The following RNGTT variants were observed in gnomAD, a reference collection of about 807,000 sequenced individuals.
RNGTT encodes the protein RNA guanylyltransferase and 5'-phosphatase.
In RNGTT, 33 loss-of-function variants were observed where a neutral mutation model predicts 79.3. The observed-to-expected ratio is 0.42, with a 90% CI of 0.32 to 0.56. The LOEUF is 0.56. Among genes scored for constraint, RNGTT ranks in the 20% least tolerant of loss-of-function variants. The pLI is 0.17. For synonymous variants in RNGTT, 222 were observed against 235.9 expected (o/e 0.94, Z 0.54); for missense variants, 497 against 739.1 (o/e 0.67, Z 3.80).
At position 88,740,200 on chromosome 6, in the gene RNGTT, ACAG is replaced by A. The variant is rs373488916; in HGVS notation, c.1439+29571_1439+29573del. 8.1e-4 allele frequency among the ~76,000 whole-genome samples: 124 copies of A among 152,248 alleles called. 1 individual carries two copies. The highest frequency in any genetic ancestry group is 2.8e-3 in the African/African-American group (118 of 41,558). ...GAGTTTACACCTGCTCAGAAAGGGA[ACAG>A]CAGAATTAAAAGCGATCAAAAAATG... is the stretch of plus-strand genomic sequence containing the variant. On this transcript the variant is annotated intron_variant, in intron 13 of 15. Coordinates refer to ENST00000369485, the MANE Select transcript of RNGTT (RefSeq NM_003800.5).
At chr6:88,685,385 G>A (rs1198062413) in intron 13 of RNGTT, among the ~76,000 whole-genome samples, 2 of 152,010 alleles carry the variant, frequency 1.3e-5, no homozygotes, top group Non-Finnish European at 1.5e-5. Flanking sequence ...GAAAGAGAAA[G>A]GGTATCTAGG....
chr6:88,960,905 T>C (rs1357886685), intron 1 of RNGTT, among the ~76,000 whole-genome samples: 1 of 152,222 alleles, frequency 6.6e-6, no homozygotes, highest in Non-Finnish European at 1.5e-5. Flanking sequence ...TTTTCCTCAA[T>C]ATGCAAAATA....
chr6:88,891,199 T>G (rs1414367990), intron 7 of RNGTT, among the ~76,000 whole-genome samples: 1 of 152,184 alleles, frequency 6.6e-6, no homozygotes, highest in Non-Finnish European at 1.5e-5. Flanking sequence ...CTAGTATTTA[T>G]GTAACAGTAA....
At chr6:88,933,247 A>C (rs1330919117) in intron 2 of RNGTT, among the ~76,000 whole-genome samples, 2 of 152,218 alleles carry the variant, frequency 1.3e-5, no homozygotes, top group Non-Finnish European at 2.9e-5. Context: ...AATATTTATC[A>C]TTTCTATGTG....
At chr6:88,817,749 ATTTTTTTT>A (rs71554802) in intron 11 of RNGTT, among the ~76,000 whole-genome samples, 4 of 71,558 alleles carry the variant, frequency 5.6e-5, no homozygotes, top group Non-Finnish European at 1.1e-4. Flanking sequence ...TATTCACATC[ATTTTTTTT>A]TTTTTTTTTT....
chr6:88,625,178 A>C (rs1380904369), intron 14 of RNGTT, among the ~76,000 whole-genome samples: 1 of 151,998 alleles, frequency 6.6e-6, no homozygotes, highest in Non-Finnish European at 1.5e-5. Flanking sequence ...CAGTTTCTTT[A>C]TAAAGTCAAA....
intron 13 of RNGTT, among the ~76,000 whole-genome samples, chr6:88,764,804 A>C (rs143236506): frequency 9.9e-5 from 15 of 152,274 alleles, no homozygotes; most frequent in Non-Finnish European, 1.9e-4. Flanking sequence ...AGTTGTACCA[A>C]CTTCTGTTCC....
intron 4 of RNGTT, among the ~76,000 whole-genome samples, chr6:88,912,357 T>C (rs1370927166): frequency 6.6e-6 from 1 of 152,094 alleles, no homozygotes; most frequent in East Asian, 1.9e-4. Context: ...TGCTGTGAGC[T>C]ATGATCGTGC....
At chr6:88,736,212 G>A (rs1777279742) in intron 13 of RNGTT, among the ~76,000 whole-genome samples, 1 of 152,076 alleles carries the variant, frequency 6.6e-6, no homozygotes, top group Admixed American at 6.6e-5. Context: ...AAAGCACTAG[G>A]CCCAGATATT....
In RNGTT at chr6:88,789,356, T is replaced by C. The variant is rs138729111; in HGVS notation, c.1338+12208A>G. 5.2e-4 allele frequency among the ~76,000 whole-genome samples: 79 copies of C among 152,270 alleles called. 1 individual carries two copies. The highest frequency in any genetic ancestry group is 1.8e-3 in the Admixed American group (27 of 15,302). ...GCCAGTGGATAACGAGGTCAGGAGA[T>C]GGAGACTATCCTGGCCAACATGGTG... On this transcript the variant is annotated intron_variant, in intron 12 of 15. Transcript: ENST00000369485.
intron 14 of RNGTT, among the ~76,000 whole-genome samples, chr6:88,639,888 G>A (rs1773243475): frequency 6.6e-6 from 1 of 152,128 alleles, no homozygotes; most frequent in Non-Finnish European, 1.5e-5. Context: ...CTAAGGCATA[G>A]AGAGAAAAAA....
chr6:88,811,129 T>C (rs962492721), intron 11 of RNGTT, among the ~76,000 whole-genome samples: 3 of 152,206 alleles, frequency 2.0e-5, no homozygotes, highest in East Asian at 1.9e-4. Context: ...AAATGGTTAA[T>C]TGAAAAATCT....
intron 12 of RNGTT, among the ~76,000 whole-genome samples, chr6:88,798,357 T>C (rs781612780): frequency 4.0e-5 from 6 of 151,746 alleles, no homozygotes; most frequent in Non-Finnish European, 8.8e-5. Flanking sequence ...CCCAGCTACT[T>C]GGGGACCTGA....
intron 4 of RNGTT, among the ~76,000 whole-genome samples, chr6:88,920,318 T>A (rs1347675431): frequency 6.6e-6 from 1 of 152,184 alleles, no homozygotes. Flanking sequence ...TTGAATCACC[T>A]CTAGGTATTA....
At chr6:88,792,094 C>A (rs1311870664) in intron 12 of RNGTT, among the ~76,000 whole-genome samples, 1 of 152,130 alleles carries the variant, frequency 6.6e-6, no homozygotes, top group Non-Finnish European at 1.5e-5. Flanking sequence ...AGTGGGCCCA[C>A]ACACTTGTTG....
chr6:88,887,192 TC>T (rs1782892548), intron 8 of RNGTT, among the ~76,000 whole-genome samples: 1 of 152,056 alleles, frequency 6.6e-6, no homozygotes, highest in South Asian at 2.1e-4. Flanking sequence ...ATTTCAGAGA[TC>T]CTTGGTTTAA....
intron 11 of RNGTT, among the ~76,000 whole-genome samples, chr6:88,802,368 T>G (rs1476485775): frequency 6.6e-6 from 1 of 152,202 alleles, no homozygotes; most frequent in Admixed American, 6.5e-5. Context: ...CAATGCCATA[T>G]CAACAGAGTT....
chr6:88,729,514 A>G (rs1223354648), intron 13 of RNGTT, among the ~76,000 whole-genome samples: 1 of 152,202 alleles, frequency 6.6e-6, no homozygotes, highest in Non-Finnish European at 1.5e-5. Context: ...GCCCGAAATC[A>G]AATAGCTGCA....
chr6:88,767,910 T>C (rs143367328), intron 13 of RNGTT, among the ~76,000 whole-genome samples: 1 of 152,108 alleles, frequency 6.6e-6, no homozygotes, highest in African/African-American at 2.4e-5. Flanking sequence ...GTTCAACATA[T>C]CAATATTTAT....
Sources: gnomAD v4.1 joint callset for allele counts (sites outside exome capture counted in the v4.1 genomes callset) on GRCh38, gnomAD v4.1.1 for gene constraint, MANE v1.5 for transcripts, NCBI Gene and HGNC (gene_info 2026-07-23, HGNC 2026-07-21) for gene names.